Variants in UBE2D2 observed in about 807,000 individuals in gnomAD.
The protein encoded by UBE2D2 is ubiquitin-conjugating enzyme E2 D2.
A neutral mutation model predicts 24.2 loss-of-function variants in UBE2D2; 2 were observed. The observed-to-expected ratio is 0.08, with a 90% confidence interval of 0.03 to 0.26. The LOEUF is 0.26. Among genes scored for constraint, UBE2D2 ranks in the 10% least tolerant of loss-of-function variants. The pLI, the probability that UBE2D2 is intolerant of heterozygous loss-of-function variation, is 1.00. For missense variants in UBE2D2, 44 were observed against 177.6 expected, an observed-to-expected ratio of 0.25 and a Z score of 4.28; for synonymous variants, 58 against 56.5, an observed-to-expected ratio of 1.03 and a Z score of -0.12.
chr5:139,607,267 T>C (rs1435547037), intron 2 of UBE2D2, among the ~76,000 whole-genome samples: 1 of 152,202 alleles, frequency 6.6e-6, no homozygotes, highest in East Asian at 1.9e-4. Flanking sequence ...ATTCAACCAG[T>C]GTGACAAAAT....
At chr5:139,614,180 C>A (rs1754380101) in intron 2 of UBE2D2, among the ~76,000 whole-genome samples, 1 of 151,830 alleles carries the variant, frequency 6.6e-6, no homozygotes, top group Admixed American at 6.6e-5. Flanking sequence ...AGAAGTTTGT[C>A]TACCTGACAT....
In UBE2D2 at chr5:139,622,656, A is replaced by C. The variant is rs190702911; in HGVS notation, c.305-712A>C. ...TGTAATCCCAGCACTTTGGGAGGCCAAGGTGGGCGGATCACGAGGTCAGGA... is the reference window on the plus strand; with the variant it reads ...TGTAATCCCAGCACTTTGGGAGGCCCAGGTGGGCGGATCACGAGGTCAGGA... On this transcript the variant is annotated intron_variant, in intron 5 of 6. Coordinates refer to ENST00000398733, the MANE Select transcript of UBE2D2 (RefSeq NM_003339.3). 3.7e-3 allele frequency among the ~76,000 whole-genome samples: 527 copies of C among 143,120 alleles called. 7 individuals are homozygous for C. Among genetic ancestry groups the C allele is most frequent in the African/African-American group, 0.013 (491 of 38,756 alleles). The allele number at this position is 143,120 out of a possible 152,430, so 93.9% of individuals were successfully genotyped here.
chr5:139,623,322 C>G (rs758420025), intron 5 of UBE2D2, 46 bp from the exon 6 acceptor site: 5 of 1,441,112 alleles, frequency 3.5e-6, no homozygotes, highest in Non-Finnish European at 4.8e-6. Context: ...TCTCTCAACC[C>G]TTTGCTTTGA....
chr5:139,625,748 G>A (rs1293738949), intron 6 of UBE2D2, among the ~76,000 whole-genome samples: 1 of 150,632 alleles, frequency 6.6e-6, no homozygotes, highest in Non-Finnish European at 1.5e-5. Context: ...GGGATTACAG[G>A]CGCACATCAC....
At chr5:139,533,586 G>T (rs1040442023) in intron 1 of UBE2D2, among the ~76,000 whole-genome samples, 7 of 151,332 alleles carry the variant, frequency 4.6e-5, no homozygotes, top group Non-Finnish European at 8.8e-5. Flanking sequence ...GGAGGAGGAG[G>T]TTGCGGTGAG....
intron 6 of UBE2D2, among the ~76,000 whole-genome samples, chr5:139,625,062 CTTTT>C (rs113465063): frequency 1.4e-5 from 2 of 146,422 alleles, no homozygotes; most frequent in Non-Finnish European, 3.0e-5. Context: ...TAACCCCCCA[CTTTT>C]TTTTTTGCAG....
intron 1 of UBE2D2, among the ~76,000 whole-genome samples, chr5:139,596,798 G>A (rs1190757177): frequency 6.6e-6 from 1 of 151,906 alleles, no homozygotes; most frequent in Non-Finnish European, 1.5e-5. Context: ...TGTAATCCCA[G>A]CACTTTGGGA....
At chr5:139,571,178 G>C (rs1753344292) in intron 1 of UBE2D2, among the ~76,000 whole-genome samples, 1 of 152,060 alleles carries the variant, frequency 6.6e-6, no homozygotes, top group South Asian at 2.1e-4. Flanking sequence ...GGAGGCCGAG[G>C]CGGGTGGATC....
intron 1 of UBE2D2, 130 bp downstream of exon 1, chr5:139,561,945 C>G: frequency 3.2e-6 from 4 of 1,266,502 alleles, no homozygotes; most frequent in Non-Finnish European, 4.2e-6. Context: ...TCGGGGCGGC[C>G]TCCATACCCC....
chr5:139,530,126 A>G (rs1246654928), intron 1 of UBE2D2, among the ~76,000 whole-genome samples: 1 of 152,244 alleles, frequency 6.6e-6, no homozygotes, highest in African/African-American at 2.4e-5. Context: ...TGGTACCACA[A>G]AAACAGTTAC....
At chr5:139,565,085 C>T (rs1311061644) in intron 1 of UBE2D2, among the ~76,000 whole-genome samples, 1 of 152,096 alleles carries the variant, frequency 6.6e-6, no homozygotes, top group Non-Finnish European at 1.5e-5. Flanking sequence ...AATTATCATT[C>T]CCTGAAAAAA....
intron 1 of UBE2D2, among the ~76,000 whole-genome samples, chr5:139,551,667 T>G: frequency 6.6e-6 from 1 of 152,184 alleles, no homozygotes; most frequent in East Asian, 1.9e-4. Context: ...AGAGACAAGA[T>G]CTCTGCCCTC....
At chr5:139,594,906 A>G (rs1753928918) in intron 1 of UBE2D2, among the ~76,000 whole-genome samples, 1 of 152,212 alleles carries the variant, frequency 6.6e-6, no homozygotes, top group South Asian at 2.1e-4. Flanking sequence ...GTATTTGCGT[A>G]TAACCTGTAC....
chr5:139,582,059 T>C (rs755926991), intron 1 of UBE2D2, among the ~76,000 whole-genome samples: 1 of 151,034 alleles, frequency 6.6e-6, no homozygotes, highest in Non-Finnish European at 1.5e-5. Context: ...AGTGTGATCA[T>C]GGCTGATGGC....
rs187494885 is a variant in UBE2D2 at position 139,547,310 on chromosome 5, C to A, written c.-64+20698C>A. Reference sequence around the variant, plus strand: ...CGTCTCAAAAAAAAAGTGGCTCACACAGCAAAGGATGTGGCCAAGTCATGT... The same window carrying A: ...CGTCTCAAAAAAAAAGTGGCTCACAAAGCAAAGGATGTGGCCAAGTCATGT... On this transcript the variant is annotated intron_variant, in intron 1 of 6. Coordinates refer to the UBE2D2 transcript ENST00000511725. Among the ~76,000 whole-genome samples, 339 of 152,128 alleles carry A rather than the reference C, an allele frequency of 2.2e-3. 2 individuals are homozygous for A. Among genetic ancestry groups the A allele is most frequent in the African/African-American group, 7.7e-3 (319 of 41,522 alleles).
At chr5:139,572,614 G>A (rs1753373464) in intron 1 of UBE2D2, among the ~76,000 whole-genome samples, 1 of 150,750 alleles carries the variant, frequency 6.6e-6, no homozygotes, top group African/African-American at 2.4e-5. Flanking sequence ...AAAATTGACA[G>A]CACAAATTAC....
intron 2 of UBE2D2, among the ~76,000 whole-genome samples, chr5:139,610,038 TGG>T (rs1479896905): frequency 6.6e-6 from 1 of 152,078 alleles, no homozygotes; most frequent in African/African-American, 2.4e-5. Flanking sequence ...ACCAAAGTGC[TGG>T]GATTACAGGT....
chr5:139,550,641 T>C (rs974895122), intron 1 of UBE2D2, among the ~76,000 whole-genome samples: 6 of 152,002 alleles, frequency 3.9e-5, no homozygotes, highest in Admixed American at 2.0e-4. Context: ...ACACTGAGTT[T>C]ATGAGCTGTA....
intron 5 of UBE2D2, among the ~76,000 whole-genome samples, chr5:139,619,469 T>C (rs922447688): frequency 5.3e-5 from 8 of 151,872 alleles, no homozygotes; most frequent in African/African-American, 1.9e-4. Flanking sequence ...ATACAGGTTA[T>C]AGAAATAAGA....
Sources: gnomAD v4.1 joint callset for allele counts (sites outside exome capture counted in the v4.1 genomes callset) on GRCh38, gnomAD v4.1.1 for gene constraint, MANE v1.5 for transcripts, NCBI Gene and HGNC (gene_info 2026-07-23, HGNC 2026-07-21) for gene names.